The following KCND3 variants were observed in gnomAD, a reference collection of about 807,000 sequenced individuals.
The protein encoded by KCND3 is potassium voltage-gated channel subfamily D member 3, also known as A-type voltage-gated potassium channel KCND3.
A neutral mutation model predicts 51.1 loss-of-function variants in KCND3; 9 were observed. The observed-to-expected ratio is 0.18, with a 90% confidence interval of 0.11 to 0.31. The LOEUF is 0.31. KCND3 is among the 10% of genes least tolerant of loss of function. The probability of loss-of-function intolerance (pLI) is 1.00; values close to 1 mark genes in which losing one functional copy is unlikely to be tolerated. For missense variants in KCND3, 526 were observed against 903.8 expected (o/e 0.58, Z 5.36); for synonymous variants, 349 against 368.0 (o/e 0.95, Z 0.59).
chr1:111,872,505 A>G (rs572558262), intron 2 of KCND3, among the ~76,000 whole-genome samples: 33 of 152,360 alleles, frequency 2.2e-4, no homozygotes, highest in African/African-American at 7.2e-4. Flanking sequence ...AAATGCTGGT[A>G]TAGAAGGCTC....
At chr1:111,979,473 A>G (rs942464808) in intron 2 of KCND3, among the ~76,000 whole-genome samples, 28 of 152,332 alleles carry the variant, frequency 1.8e-4, no homozygotes, top group Middle Eastern at 3.4e-3. Context: ...CTTGACTGGC[A>G]ATATGACTAG....
chr1:111,840,167 G>C (rs1677535), intron 2 of KCND3, among the ~76,000 whole-genome samples: 54,610 of 151,930 alleles, frequency 0.36, 10,322 homozygotes, highest in East Asian at 0.65. Flanking sequence ...TTCATGAGAC[G>C]TCTGCAGTTA....
At chr1:111,851,665 G>A (rs961366437) in intron 2 of KCND3, among the ~76,000 whole-genome samples, 3 of 152,170 alleles carry the variant, frequency 2.0e-5, no homozygotes, top group Admixed American at 6.5e-5. Flanking sequence ...CTCACTAGAC[G>A]TGAGCTCCTC....
At chr1:111,819,683 C>T (rs774412445) in intron 2 of KCND3, among the ~76,000 whole-genome samples, 1 of 152,138 alleles carries the variant, frequency 6.6e-6, no homozygotes, top group Non-Finnish European at 1.5e-5. Context: ...CTGCAAGACG[C>T]CCTGTGAAAG....
intron 2 of KCND3, among the ~76,000 whole-genome samples, chr1:111,956,042 T>C (rs1232632030): frequency 1.3e-5 from 2 of 151,930 alleles, no homozygotes; most frequent in African/African-American, 2.4e-5. Context: ...GTGTTTTTAT[T>C]ACCTTTAATT....
chr1:111,771,943 T>C lies in KCND3; in HGVS notation c.*4134A>G, dbSNP rs11803207. The C allele has an allele frequency of 0.11, 16,195 of 152,118 alleles. 946 individuals are homozygous for C. The highest frequency in any genetic ancestry group is 0.13 in the Non-Finnish European group (8,690 of 67,978). The allele number at this position is 152,118 out of a possible 1,614,324, so 9.4% of individuals were successfully genotyped here. On this transcript the variant is annotated 3_prime_UTR_variant, in exon 8 of 8. Transcript: ENST00000302127. The stretch of plus-strand genomic sequence containing the variant: ...GATCTTGGTTCACGGTGGTTCTGAA[T>C]TGAATACTTCCCTCCCCCACGTCAC...
chr1:111,808,326 C>T lies in KCND3; in HGVS notation c.1107-21220G>A, dbSNP rs143756041. 8.4e-3 allele frequency among the ~76,000 whole-genome samples: 1,279 copies of T among 152,284 alleles called. 3 individuals are homozygous for T. The highest frequency in any genetic ancestry group is 0.013 in the Non-Finnish European group (915 of 68,034). On this transcript the variant is annotated intron_variant, in intron 2 of 7. Transcript: ENST00000302127. ...TGAATTTTCTCAGCATCTTTGTAATCGGTTTGTTCATACTGACAGGTACTC... is the reference window on the plus strand; with the variant it reads ...TGAATTTTCTCAGCATCTTTGTAATTGGTTTGTTCATACTGACAGGTACTC...
Position 111,786,878 on chromosome 1 carries a change from G to T in KCND3, c.1269+66C>A. Reference sequence around the variant, plus strand: ...TGATCCTGTGAGGAGCTCTAGTCCTGGCTCCCTGACTGGTGCTCCCCCGCA... The same window carrying T: ...TGATCCTGTGAGGAGCTCTAGTCCTTGCTCCCTGACTGGTGCTCCCCCGCA... On this transcript the variant is annotated intron_variant, in intron 3 of 7. Transcript: ENST00000302127. 7.5e-6 allele frequency: 12 copies of T among 1,590,000 alleles called. No homozygotes were observed. In the South Asian group the frequency reaches 1.3e-4, roughly 18 times the overall value.
intron 2 of KCND3, among the ~76,000 whole-genome samples, chr1:111,959,338 A>G (rs1288322169): frequency 6.6e-6 from 1 of 152,188 alleles, no homozygotes; most frequent in Non-Finnish European, 1.5e-5. Context: ...ACACAGAAGT[A>G]AACAGAGGCT....
intron 2 of KCND3, among the ~76,000 whole-genome samples, chr1:111,800,972 A>G (rs1403611779): frequency 6.6e-6 from 1 of 152,246 alleles, no homozygotes; most frequent in Non-Finnish European, 1.5e-5. Flanking sequence ...AGAAAGAGAC[A>G]TGAGGAGCAG....
Position 111,840,823 on chromosome 1 carries a change from G to A in KCND3, c.1107-53717C>T, listed in dbSNP as rs147406952. On this transcript the variant is annotated intron_variant, in intron 2 of 7. Coordinates refer to ENST00000302127, the MANE Select transcript of KCND3 (RefSeq NM_001378969.1). ...CCTCCCCAGGCTATCAGTCATGCTC[G>A]GATGACGTGGCTGCTCCTCTAGCTT... 1.4e-3 allele frequency among the ~76,000 whole-genome samples: 209 copies of A among 152,226 alleles called. 3 individuals carry two copies. The highest frequency in any genetic ancestry group is 7.4e-4 in the Non-Finnish European group (50 of 68,006).
intron 7 of KCND3, among the ~76,000 whole-genome samples, chr1:111,776,531 AT>A (rs1443888767): frequency 3.3e-5 from 5 of 152,168 alleles, no homozygotes; most frequent in African/African-American, 1.2e-4. Context: ...TATATCTATC[AT>A]TTGTGGCATT....
intron 2 of KCND3, among the ~76,000 whole-genome samples, chr1:111,885,565 T>G (rs1334385630): frequency 6.6e-6 from 1 of 152,096 alleles, no homozygotes; most frequent in Non-Finnish European, 1.5e-5. Flanking sequence ...GAAGGGTGCA[T>G]GAGAAACTAA....
Position 111,819,945 on chromosome 1 carries a change from C to T in KCND3, c.1107-32839G>A, listed in dbSNP as rs144326653. 3.3e-5 allele frequency among the ~76,000 whole-genome samples: 5 copies of T among 152,318 alleles called. No individual in the cohort carries two copies. In the East Asian group the frequency reaches 7.7e-4, roughly 24 times the overall value. On this transcript the variant is annotated intron_variant, in intron 2 of 7. Coordinates refer to ENST00000302127, the MANE Select transcript of KCND3 (RefSeq NM_001378969.1). Reference sequence around the variant, plus strand: ...CTTGGGCTTCAGGCCCTGATCCCTCCCTGCCCCGGAGGTTGCAGAATTCCC... The same window carrying T: ...CTTGGGCTTCAGGCCCTGATCCCTCTCTGCCCCGGAGGTTGCAGAATTCCC...
At chr1:111,777,943 G>A (rs2101460052) in intron 6 of KCND3, among the ~76,000 whole-genome samples, 1 of 152,334 alleles carries the variant, frequency 6.6e-6, no homozygotes, top group South Asian at 2.1e-4. Flanking sequence ...GGAGGCCATT[G>A]GGATGGGGTA....
chr1:111,873,586 A>C (rs967657875), intron 2 of KCND3, among the ~76,000 whole-genome samples: 1 of 152,100 alleles, frequency 6.6e-6, no homozygotes, highest in Non-Finnish European at 1.5e-5. Context: ...CTGGGAAGAC[A>C]GGCTAAGTGT....
intron 2 of KCND3, among the ~76,000 whole-genome samples, chr1:111,964,051 AT>A (rs1286392740): frequency 7.2e-5 from 11 of 152,126 alleles, no homozygotes; most frequent in African/African-American, 2.7e-4. Context: ...GGGTCTCTGA[AT>A]TGCTTTCTGA....
Position 111,982,406 on chromosome 1 carries a change from G to A in KCND3, c.321C>T (p.Arg107=), listed in dbSNP as rs746952612. The change falls in exon 2 of 8, where the codon CGC becomes CGT. Residue 107 remains arginine, a synonymous_variant. Transcript: ENST00000302127. The surrounding 1 kb of genome is among the most constrained non-coding windows in gnomAD (Gnocchi z 8.5). ...FYRTGKLHYP[R]YECISAYDDE... is the part of the protein sequence containing the mutation. ...CGTCGTAGGCAGAGATGCACTCGTA[G>A]CGCGGGTAGTGCAGCTTCCCCGTGC... 4.3e-6 allele frequency: 7 copies of A among 1,614,214 alleles called. No homozygotes were observed. The East Asian group carries it at 1.6e-4, about 36-fold the overall frequency.
chr1:111,971,370 C>T (rs1674321308), intron 2 of KCND3, among the ~76,000 whole-genome samples: 1 of 150,956 alleles, frequency 6.6e-6, no homozygotes, highest in African/African-American at 2.4e-5. Context: ...CCCAGTGTGA[C>T]CTTTTGGCTT....
Sources: gnomAD v4.1 joint callset for allele counts (sites outside exome capture counted in the v4.1 genomes callset) on GRCh38, gnomAD v4.1.1 for gene constraint, Gnocchi (gnomAD v3.1) non-coding constraint, MANE v1.5 for transcripts, NCBI Gene and HGNC (gene_info 2026-07-23, HGNC 2026-07-21) for gene names.